MEIOB: variants seen among roughly 807,000 people sequenced by gnomAD.
MEIOB encodes the protein meiosis specific with OB-fold.
In MEIOB, 50 loss-of-function variants were observed where a neutral mutation model predicts 53.1. That is an observed-to-expected ratio of 0.94 (90% CI 0.75 to 1.19). MEIOB has a LOEUF of 1.19. Among genes scored for constraint, MEIOB ranks in the 50% most tolerant of loss-of-function variants. MEIOB has a pLI of 0.00. For missense variants in MEIOB, 551 were observed against 550.8 expected, an observed-to-expected ratio of 1.00 and a Z score of 0.00; for synonymous variants, 192 against 182.5, an observed-to-expected ratio of 1.05 and a Z score of -0.42.
At chr16:1,860,063 A>C (rs1290926816) in intron 5 of MEIOB, among the ~76,000 whole-genome samples, 1 of 152,230 alleles carries the variant, frequency 6.6e-6, no homozygotes, top group Non-Finnish European at 1.5e-5. Flanking sequence ...CTGCCCTAAG[A>C]TGGTAAGCCT....
chr16:1,839,752 C>CA (rs1411548313), intron 11 of MEIOB: 1 of 269,438 alleles, frequency 3.7e-6, no homozygotes, highest in Non-Finnish European at 7.1e-6. Context: ...TCCCAGCCTG[C>CA]AGCCTTTCTC....
intron 1 of MEIOB, among the ~76,000 whole-genome samples, 177 bp downstream of exon 1, chr16:1,871,816 C>G (rs1899760407): frequency 1.4e-5 from 2 of 148,070 alleles, no homozygotes; most frequent in East Asian, 2.1e-4. Flanking sequence ...AAAAAATTAG[C>G]CAGGTATGGT....
intron 10 of MEIOB, among the ~76,000 whole-genome samples, chr16:1,843,996 T>C (rs1333524780): frequency 3.9e-5 from 6 of 152,282 alleles, no homozygotes; most frequent in South Asian, 2.1e-4. Flanking sequence ...TGGTGATGTG[T>C]ATCTATTTAT....
intron 9 of MEIOB, among the ~76,000 whole-genome samples, chr16:1,849,501 G>A (rs1328718447): frequency 3.1e-5 from 4 of 127,536 alleles, no homozygotes; most frequent in East Asian, 4.9e-4. Flanking sequence ...AGCCAAGATC[G>A]CGCCACTGCA....
At chr16:1,841,289 A>T (rs1898904414) in intron 11 of MEIOB, among the ~76,000 whole-genome samples, 1 of 152,118 alleles carries the variant, frequency 6.6e-6, no homozygotes, top group Non-Finnish European at 1.5e-5. Context: ...TAGTGCTGGG[A>T]TTACAGGCGT....
intron 9 of MEIOB, among the ~76,000 whole-genome samples, chr16:1,847,121 C>T (rs1899046628): frequency 6.6e-6 from 1 of 152,106 alleles, no homozygotes; most frequent in Non-Finnish European, 1.5e-5. Flanking sequence ...CGCCACTGCA[C>T]TCCAGCCTGG....
At chr16:1,861,466 TATTTAGTAA>T (rs1899440227) in intron 4 of MEIOB, among the ~76,000 whole-genome samples, 1 of 152,022 alleles carries the variant, frequency 6.6e-6, no homozygotes, top group African/African-American at 2.4e-5. Flanking sequence ...ACAGTAAGGT[TATTTAGTAA>T]AAATATAACT....
chr16:1,852,971 T>C (rs1899208591), intron 9 of MEIOB, 68 bp downstream of exon 9: 6 of 955,044 alleles, frequency 6.3e-6, no homozygotes, highest in Non-Finnish European at 8.1e-6. Context: ...TTCTTAAATA[T>C]ACTGTATAAA....
rs954242576 is a variant in MEIOB at position 1,849,922 on chromosome 16, A to T, written c.778+3117T>A. On this transcript the variant is annotated intron_variant, in intron 9 of 13. Transcript: ENST00000325962. Reference sequence around the variant, plus strand: ...AATTAGCTTGATTTAGCCATTCTGTAATGTATACATATTTCAAAACAACAT... The same window carrying T: ...AATTAGCTTGATTTAGCCATTCTGTTATGTATACATATTTCAAAACAACAT... Among the ~76,000 whole-genome samples, 8 of 152,244 alleles carry T rather than the reference A, an allele frequency of 5.3e-5. No homozygotes were observed. In the South Asian group the frequency reaches 6.2e-4, roughly 12 times the overall value.
chr16:1,858,848 A>T (rs2150820521), intron 5 of MEIOB, among the ~76,000 whole-genome samples: 1 of 152,322 alleles, frequency 6.6e-6, no homozygotes, highest in South Asian at 2.1e-4. Context: ...GTTCTGGAAA[A>T]GACAGGAGGT....
chr16:1,847,054 C>G (rs1188578463), intron 9 of MEIOB, among the ~76,000 whole-genome samples: 1 of 151,954 alleles, frequency 6.6e-6, no homozygotes, highest in East Asian at 1.9e-4. Context: ...ACTCAGGAGG[C>G]TCAGGCAGGG....
chr16:1,858,223 C>T (rs1278882526), intron 5 of MEIOB, among the ~76,000 whole-genome samples: 1 of 152,130 alleles, frequency 6.6e-6, no homozygotes, highest in African/African-American at 2.4e-5. Flanking sequence ...AGCAAAAAAG[C>T]GCTCTGAAAC....
chr16:1,844,901 C>T lies in MEIOB; in HGVS notation c.841G>A (p.Asp281Asn). 1 of 1,562,616 alleles carries T rather than the reference C, an allele frequency of 6.4e-7. No homozygotes were observed. The highest frequency in any genetic ancestry group is 8.8e-7 in the Non-Finnish European group (1 of 1,138,506). Residue 281 changes from aspartate to asparagine, a missense_variant, in exon 10 of 14, where the codon GAT becomes AAT. By Grantham distance (23) the Asp-to-Asn change is conservative. Coordinates refer to ENST00000325962, the MANE Select transcript of MEIOB (RefSeq NM_001163560.3). ...TTGAAATAACTGTCAATTTCATCAT[C>T]CAGAACATTCGTTTCTTTATTTTCT... ...IRENKETNVL[D>N]DEIDSYFKES... is the part of the protein sequence containing the mutation.
Position 1,837,406 on chromosome 16 carries a change from A to G in MEIOB, c.1305+378T>C, listed in dbSNP as rs370421886. ...CAGGGGCCAAGAGAGGGGTCTCACT[A>G]TGTTGCCCAGGCTGGCCTCAAACTC... On this transcript the variant is annotated intron_variant, in intron 13 of 13. Transcript: ENST00000325962. 5.9e-5 allele frequency among the ~76,000 whole-genome samples: 9 copies of G among 152,188 alleles called. No homozygotes were observed. In the East Asian group the frequency reaches 9.7e-4, roughly 16 times the overall value.
Position 1,857,947 on chromosome 16 carries a change from C to A in MEIOB, c.333-17G>T. The A allele has an allele frequency of 1.4e-6, 2 of 1,462,100 alleles. No homozygotes were observed. The highest frequency in any genetic ancestry group is 1.3e-5 in the South Asian group (1 of 76,434). The allele number at this position is 1,462,100 out of a possible 1,614,324, so 90.6% of individuals were successfully genotyped here. On this transcript the variant is annotated splice_polypyrimidine_tract_variant and intron_variant, in intron 5 of 13. Transcript: ENST00000325962. ...TTACAGTTGCTAAATTGCAAAAACA[C>A]AAGAAAGTTATTTGAAAGTGATCTT...
At chr16:1,842,700 G>C (rs1031988053) in intron 10 of MEIOB, among the ~76,000 whole-genome samples, 1 of 101,694 alleles carries the variant, frequency 9.8e-6, no homozygotes, top group African/African-American at 3.6e-5. Context: ...GTCTCACTCT[G>C]TCGCCCAGGC....
intron 11 of MEIOB, 132 bp from the exon 12 acceptor site, chr16:1,839,570 G>T: frequency 5.3e-6 from 4 of 750,322 alleles, no homozygotes; most frequent in East Asian, 2.8e-5. Context: ...AGTGCTATGC[G>T]GTCTACAAGA....
intron 3 of MEIOB, 36 bp downstream of exon 3, chr16:1,865,739 TTGA>T: frequency 6.8e-6 from 10 of 1,465,430 alleles, no homozygotes; most frequent in Non-Finnish European, 9.3e-6. Flanking sequence ...TAAGCCAAAG[TTGA>T]TGAAAAATGA....
At chr16:1,862,679 G>A (rs1331122832) in intron 3 of MEIOB, among the ~76,000 whole-genome samples, 1 of 152,020 alleles carries the variant, frequency 6.6e-6, no homozygotes, top group Non-Finnish European at 1.5e-5. Context: ...CTAACACTTT[G>A]GGAGCCCGAG....
Sources: allele counts gnomAD v4.1 joint callset (sites outside exome capture counted in the v4.1 genomes callset), GRCh38; gene constraint gnomAD v4.1.1; transcripts MANE v1.5; gene names NCBI Gene and HGNC (gene_info 2026-07-23, HGNC 2026-07-21).